The following RXRA variants were observed in gnomAD, a reference collection of about 807,000 sequenced individuals.
RXRA encodes retinoid X receptor alpha.
RXRA carries 5 observed loss-of-function variants against 44.5 expected under a neutral mutation model. The ratio of observed to expected loss-of-function variants is 0.11; its 90% CI spans 0.06 to 0.24. The LOEUF (loss-of-function observed/expected upper bound fraction) is 0.24, where lower values mean the gene tolerates loss of function less well. Among genes scored for constraint, RXRA ranks in the 10% least tolerant of loss-of-function variants. The pLI is 1.00. For synonymous variants in RXRA, 291 were observed against 271.4 expected (o/e 1.07, Z -0.71); for missense variants, 412 against 646.5 (o/e 0.64, Z 3.93).
chr9:134,438,975 TTCCCG>T lies in RXRA; in HGVS notation c.*2366_*2370del, dbSNP rs1831680976. The stretch of plus-strand genomic sequence containing the variant: ...CGTGTCCCGGGCACTTCCCGCAGCC[TTCCCG>T]TCCCTTTCTCATCGGCCTTGTAGTT... On this transcript the variant is annotated 3_prime_UTR_variant, in exon 10 of 10. Coordinates refer to ENST00000481739, the MANE Select transcript of RXRA (RefSeq NM_002957.6). 6.6e-6 allele frequency: 1 copy of T among 152,324 alleles called. No homozygotes were observed. The highest frequency in any genetic ancestry group is 2.1e-4 in the South Asian group (1 of 4,840). 9.4% of individuals were successfully genotyped at this position (152,324 alleles called of 1,614,324 possible). A position where few individuals can be genotyped will look rare whatever the true frequency, so the allele number is the denominator to read the frequency against.
chr9:134,380,055 T>C (rs1233402356), intron 1 of RXRA: 2 of 985,366 alleles, frequency 2.0e-6, no homozygotes, highest in South Asian at 9.4e-5. Flanking sequence ...GAGCACAATC[T>C]TCCTGCCCTC....
At chr9:134,401,166 G>A (rs574335102) in intron 1 of RXRA, among the ~76,000 whole-genome samples, 1 of 152,358 alleles carries the variant, frequency 6.6e-6, no homozygotes, top group Admixed American at 6.5e-5. Flanking sequence ...ACCAGGTCCT[G>A]GTACACGGCA....
chr9:134,359,995 C>T (rs1219748773), intron 1 of RXRA, among the ~76,000 whole-genome samples: 3 of 152,300 alleles, frequency 2.0e-5, no homozygotes, highest in South Asian at 2.1e-4. Context: ...GGTCCCTGGG[C>T]TAGGGGTGTG....
At chr9:134,376,226 C>T (rs377588358) in intron 1 of RXRA, among the ~76,000 whole-genome samples, 7 of 152,236 alleles carry the variant, frequency 4.6e-5, no homozygotes, top group Middle Eastern at 3.4e-3. Context: ...CACCCTCAGC[C>T]GCGGGGCCTG....
At chr9:134,360,130 G>A (rs181044293) in intron 1 of RXRA, among the ~76,000 whole-genome samples, 1 of 152,284 alleles carries the variant, frequency 6.6e-6, no homozygotes, top group East Asian at 1.9e-4. Flanking sequence ...TTTACCTAAG[G>A]CCCCCGCGAT....
Position 134,366,378 on chromosome 9 carries a change from C to CA in RXRA, c.29-35253dup, listed in dbSNP as rs1417319498. Among the ~76,000 whole-genome samples the CA allele has an allele frequency of 6.6e-6, 1 of 152,160 alleles. No homozygotes were observed. The highest frequency in any genetic ancestry group is 1.5e-5 in the Non-Finnish European group (1 of 68,026). ...CAGGCTCCAGAATTGCACGTGATCT[C>CA]AGACGGTTCCCAGCTTCCTCTGCAG... is the stretch of plus-strand genomic sequence containing the variant. On this transcript the variant is annotated intron_variant, in intron 1 of 9. Transcript: ENST00000481739. The surrounding 1 kb of genome is among the most constrained non-coding windows in gnomAD (Gnocchi z 5.9).
chr9:134,428,126 G>A (rs573994374), intron 6 of RXRA, among the ~76,000 whole-genome samples: 1 of 152,266 alleles, frequency 6.6e-6, no homozygotes, highest in South Asian at 2.1e-4. Flanking sequence ...ATCTGCACTG[G>A]AACCTCATGT....
intron 1 of RXRA, among the ~76,000 whole-genome samples, chr9:134,392,989 G>A (rs1830822501): frequency 6.6e-6 from 1 of 151,752 alleles, no homozygotes; most frequent in South Asian, 2.1e-4. Context: ...GTCCCTGTTA[G>A]GGGCCAGTTC....
chr9:134,400,397 C>A (rs1235721892), intron 1 of RXRA, among the ~76,000 whole-genome samples: 1 of 152,208 alleles, frequency 6.6e-6, no homozygotes, highest in Non-Finnish European at 1.5e-5. Flanking sequence ...CTGCTCGACT[C>A]CCCAGAAGTG....
intron 1 of RXRA, among the ~76,000 whole-genome samples, chr9:134,329,395 C>G (rs1834969095): frequency 6.6e-6 from 1 of 152,244 alleles, no homozygotes; most frequent in South Asian, 2.1e-4. Flanking sequence ...TTGGTAAACT[C>G]TGGAGGGGCC....
Position 134,422,051 on chromosome 9 carries a change from C to T in RXRA, c.910+246C>T, listed in dbSNP as rs149960488. ...CCCTGGATGCTCCCATCTCCCAGGA[C>T]GCTCCCCTCTCCCAGGACGCTCCCC... On this transcript the variant is annotated intron_variant, in intron 6 of 9. Transcript: ENST00000481739. 9.3e-5 allele frequency: 124 copies of T among 1,331,630 alleles called. No homozygotes were observed. In the African/African-American group the frequency reaches 1.3e-3, roughly 14 times the overall value. The allele number at this position is 1,331,630 out of a possible 1,614,324, so 82.5% of individuals were successfully genotyped here. A position where few individuals can be genotyped will look rare whatever the true frequency, so the allele number is the denominator to read the frequency against.
intron 6 of RXRA, chr9:134,423,263 G>T: frequency 5.1e-6 from 5 of 985,444 alleles, no homozygotes; most frequent in Non-Finnish European, 6.0e-6. Flanking sequence ...CCCGACGATG[G>T]TGCTGGTCAC....
chr9:134,339,922 T>C (rs1830066244), intron 1 of RXRA, among the ~76,000 whole-genome samples: 1 of 152,028 alleles, frequency 6.6e-6, no homozygotes. Flanking sequence ...TGAACCTGTG[T>C]GTATGTGAGT....
intron 1 of RXRA, among the ~76,000 whole-genome samples, chr9:134,338,637 A>G (rs1191542359): frequency 6.6e-6 from 1 of 152,050 alleles, no homozygotes; most frequent in African/African-American, 2.4e-5. Flanking sequence ...GGGGCAGGGG[A>G]GGGGCTGGCT....
Position 134,417,192 on chromosome 9 carries a change from G to A in RXRA, c.645G>A (p.Arg215=). The A allele has an allele frequency of 1.2e-6, 2 of 1,613,216 alleles. No individual in the cohort carries two copies. Among genetic ancestry groups the A allele is most frequent in the South Asian group, 2.2e-5 (2 of 91,088 alleles). ...VQEERQRGKD[R]NENEVESTSS... ...AGGAGCGGCAGCGTGGCAAGGACCG[G>A]AACGAGAATGAGGTGGAGTCGACCA... The change falls in exon 5 of 10, where the codon CGG becomes CGA. Residue 215 remains arginine (R), a synonymous_variant. Coordinates refer to ENST00000481739, the MANE Select transcript of RXRA (RefSeq NM_002957.6). This position sits in a 1 kb window ranked among gnomAD's most constrained non-coding sequence, Gnocchi z 6.1.
chr9:134,354,795 A>G (rs1554749877), intron 1 of RXRA, among the ~76,000 whole-genome samples: 1 of 152,200 alleles, frequency 6.6e-6, no homozygotes, highest in Non-Finnish European at 1.5e-5. Context: ...TTGGCCCTCC[A>G]GGCTCCCCAG....
At chr9:134,383,388 C>T (rs887325439) in intron 1 of RXRA, among the ~76,000 whole-genome samples, 1 of 152,294 alleles carries the variant, frequency 6.6e-6, no homozygotes, top group Middle Eastern at 3.4e-3. Context: ...GGAGGTCAGT[C>T]TGTGCTGGCT....
intron 1 of RXRA, among the ~76,000 whole-genome samples, chr9:134,360,762 C>T (rs1034127028): frequency 9.9e-5 from 15 of 152,172 alleles, no homozygotes; most frequent in East Asian, 5.8e-4. Context: ...AAAGAGCCCC[C>T]TTACAATTCC....
rs142533667 is a variant in RXRA at position 134,423,690 on chromosome 9, G to A, written c.910+1885G>A. On this transcript the variant is annotated intron_variant, in intron 6 of 9. Transcript: ENST00000481739. ...GAGGCATGTGGCTGTCTGCCGTTGCGGGCTCAGACTTCTTTCAGGGTATGG... is the reference window on the plus strand; with the variant it reads ...GAGGCATGTGGCTGTCTGCCGTTGCAGGCTCAGACTTCTTTCAGGGTATGG... 1.5e-4 allele frequency: 143 copies of A among 985,472 alleles called. No homozygotes were observed. The African/African-American group carries it at 2.1e-3, about 14-fold the overall frequency. 61.0% of individuals were successfully genotyped at this position (985,472 alleles called of 1,614,324 possible). A position where few individuals can be genotyped will look rare whatever the true frequency, so the allele number is the denominator to read the frequency against.
Sources: allele counts gnomAD v4.1 joint callset (sites outside exome capture counted in the v4.1 genomes callset), GRCh38; gene constraint gnomAD v4.1.1; non-coding constraint Gnocchi (gnomAD v3.1); transcripts MANE v1.5; gene names NCBI Gene and HGNC (gene_info 2026-07-23, HGNC 2026-07-21).